SPAG4: variants seen among roughly 807,000 people sequenced by gnomAD.
The protein encoded by SPAG4 is sperm-associated antigen 4 protein.
A neutral mutation model predicts 53.9 loss-of-function variants in SPAG4; 54 were observed. The observed-to-expected ratio is 1.00, with a 90% CI of 0.80 to 1.26. The LOEUF is 1.26. Among genes scored for constraint, SPAG4 ranks in the 50% most tolerant of loss-of-function variants. The pLI, the probability that SPAG4 is intolerant of heterozygous loss-of-function variation, is 0.00. For missense variants in SPAG4, 548 were observed against 568.6 expected (o/e 0.96, Z 0.37); for synonymous variants, 246 against 237.4 (o/e 1.04, Z -0.33).
Position 35,618,707 on chromosome 20 carries a change from C to A in SPAG4, c.704C>A (p.Ala235Glu). ...CACAAGGAGGTGTCCACTGTTCGGG[C>A]AGCCAACAGCGAGGTGAGCCCCGGC... ...KLHKEVSTVR[A>E]ANSERVAKLV... Residue 235 changes from alanine (A) to glutamate (E), a missense_variant, in exon 7 of 12, where the codon GCA becomes GAA. Physicochemically the swap from Ala to Glu is moderately radical, Grantham distance 107 (BLOSUM62 -1). Coordinates refer to ENST00000374273, the MANE Select transcript of SPAG4 (RefSeq NM_003116.3). The A allele has an allele frequency of 6.3e-7, 1 of 1,583,538 alleles. No individual in the cohort carries two copies. The highest frequency in any genetic ancestry group is 8.6e-7 in the Non-Finnish European group (1 of 1,164,140).
rs895499581 is a variant in SPAG4 at position 35,618,112 on chromosome 20, G to T, written c.564G>T (p.Leu188=). 5.0e-6 allele frequency: 8 copies of T among 1,613,606 alleles called. No individual in the cohort carries two copies. The Admixed American group carries it at 1.3e-4, about 27-fold the overall frequency. The change falls in exon 5 of 12, where the codon CTG becomes CTT. Residue 188 remains leucine, a synonymous_variant. Coordinates refer to ENST00000374273, the MANE Select transcript of SPAG4 (RefSeq NM_003116.3). ...CATTCTGGCTGGGGCTTCTGTACCT[G>T]GTCTCTCCTTTGGAGAATGTGAGTT... ...LSAFWLGLLY[L]VSPLENEPKE...
rs916548228 is a variant in SPAG4, at chr20:35,615,914, C to G, written c.-90C>G. 1 of 1,368,246 alleles carries G rather than the reference C, an allele frequency of 7.3e-7. No homozygotes were observed. Among genetic ancestry groups the G allele is most frequent in the Non-Finnish European group, 9.9e-7 (1 of 1,011,588 alleles). The allele number at this position is 1,368,246 out of a possible 1,614,324, so 84.8% of individuals were successfully genotyped here. On this transcript the variant is annotated 5_prime_UTR_variant, in exon 1 of 12. Transcript: ENST00000374273. The stretch of plus-strand genomic sequence containing the variant: ...ACTTCACGCAGGGTCCGTGGGGTCC[C>G]CGCGGCGCGCAGCGGCTGAAGGAGG...
In SPAG4 at chr20:35,619,320, G is replaced by A. The variant is rs1487053416; in HGVS notation, c.909+10G>A. The A allele has an allele frequency of 1.2e-6, 2 of 1,608,908 alleles. No homozygotes were observed. Among genetic ancestry groups the A allele is most frequent in the South Asian group, 2.2e-5 (2 of 90,998 alleles). On this transcript the variant is annotated intron_variant, in intron 9 of 11. Coordinates refer to ENST00000374273, the MANE Select transcript of SPAG4 (RefSeq NM_003116.3). ...CACGGTTATCCTGGAGGTGAGTCTG[G>A]AAACATCCCGGGATGGGACCCCGGG...
intron 1 of SPAG4, 125 bp downstream of exon 1, chr20:35,616,432 G>A: frequency 2.2e-6 from 3 of 1,360,772 alleles, no homozygotes; most frequent in Non-Finnish European, 2.9e-6. Flanking sequence ...GTAGGGTAAA[G>A]GGATGGTGCT....
intron 10 of SPAG4, 143 bp downstream of exon 10, chr20:35,619,889 TTA>T: frequency 1.2e-6 from 1 of 847,548 alleles, no homozygotes; most frequent in Non-Finnish European, 1.8e-6. Flanking sequence ...CTGCTGTAGG[TTA>T]TAGTCATAAC....
rs1310727226 is a variant in SPAG4, at chr20:35,619,671, C to T, written c.1002C>T (p.Ile334=). ...CGGGCCGAGTGCAGCTGAGCGACAT[C>T]ACTCTGCAGCATCCACCGCCCAGCG... ...QLPGRVQLSD[I]TLQHPPPSVE... Residue 334 remains isoleucine, a synonymous_variant, in exon 10 of 12, where the codon ATC becomes ATT. Transcript: ENST00000374273. The T allele has an allele frequency of 1.8e-5, 29 of 1,614,014 alleles. No homozygotes were observed. Among genetic ancestry groups the T allele is most frequent in the Non-Finnish European group, 2.5e-5 (29 of 1,180,020 alleles).
Position 35,620,929 on chromosome 20 carries a change from G to T in SPAG4, c.1221G>T (p.Trp407Cys). 1 of 1,614,160 alleles carries T rather than the reference G, an allele frequency of 6.2e-7. No homozygotes were observed. ...PKVKIQILSN[W>C]GHPRFTCLYR... is the part of the protein sequence containing the mutation. ...TGAAGATCCAGATTCTAAGCAACTG[G>T]GGCCACCCCCGTTTCACGTGCTTGT... Residue 407 changes from tryptophan (W) to cysteine (C), a missense_variant, in exon 12 of 12, where the codon TGG (tryptophan) becomes TGT (cysteine). By Grantham distance (215) the Trp-to-Cys change is radical. Transcript: ENST00000374273.
rs781578497 is a variant in SPAG4 at position 35,617,787 on chromosome 20, G to T, written c.485G>T (p.Cys162Phe). The T allele has an allele frequency of 6.2e-7, 1 of 1,614,074 alleles. No individual in the cohort carries two copies. The stretch of plus-strand genomic sequence containing the variant: ...TCCCTCCGGTTCCCCAGGGAGGTCT[G>T]TTCCATCCGCTTCCTGTTCACGGCT... Reference protein sequence around the residue: ...DVLVSMYREVCSIRFLFTAVS... With the variant: ...DVLVSMYREVFSIRFLFTAVS... Residue 162 changes from cysteine to phenylalanine, a missense_variant, in exon 4 of 12, where the codon TGT (cysteine) becomes TTT (phenylalanine). Transcript: ENST00000374273.
At chr20:35,620,832 C>T (rs2031556423) in intron 11 of SPAG4, 44 bp from the exon 12 acceptor site, 2 of 1,612,710 alleles carry the variant, frequency 1.2e-6, no homozygotes, top group Non-Finnish European at 1.7e-6. Flanking sequence ...GATGAATGAT[C>T]CAGGAGGAGG....
At chr20:35,619,374 C>G (rs1346795713) in intron 9 of SPAG4, 64 bp downstream of exon 9, 4 of 1,506,408 alleles carry the variant, frequency 2.7e-6, no homozygotes, top group South Asian at 2.3e-5. Flanking sequence ...ACCAAAACCC[C>G]GCCCTACAGG....
In SPAG4 at chr20:35,619,328, C is replaced by G; in HGVS notation, c.909+18C>G. 2 of 1,600,056 alleles carry G rather than the reference C, an allele frequency of 1.2e-6. No individual in the cohort carries two copies. The highest frequency in any genetic ancestry group is 1.7e-6 in the Non-Finnish European group (2 of 1,167,220). ...TCCTGGAGGTGAGTCTGGAAACATC[C>G]CGGGATGGGACCCCGGGCGGGACGC... is the stretch of plus-strand genomic sequence containing the variant. On this transcript the variant is annotated intron_variant, in intron 9 of 11. Transcript: ENST00000374273.
In SPAG4 at chr20:35,617,764, C is replaced by T. The variant is rs758763712; in HGVS notation, c.477-15C>T. The T allele has an allele frequency of 3.1e-5, 50 of 1,613,496 alleles. No individual in the cohort carries two copies. Among genetic ancestry groups the T allele is most frequent in the African/African-American group, 8.0e-5 (6 of 74,806 alleles). On this transcript the variant is annotated splice_polypyrimidine_tract_variant and intron_variant, in intron 3 of 11. Transcript: ENST00000374273. ...TTGAGCAGGTCGGGGCCTCAGCCTCCCTCCGGTTCCCCAGGGAGGTCTGTT... is the reference window on the plus strand; with the variant it reads ...TTGAGCAGGTCGGGGCCTCAGCCTCTCTCCGGTTCCCCAGGGAGGTCTGTT...
intron 11 of SPAG4, 47 bp downstream of exon 11, chr20:35,620,820 G>C: frequency 6.2e-7 from 1 of 1,612,978 alleles, no homozygotes; most frequent in East Asian, 2.2e-5. Context: ...GGGGCAGTGA[G>C]GGATGAATGA....
chr20:35,618,819 C>T, intron 7 of SPAG4, 99 bp downstream of exon 7: 1 of 1,419,622 alleles, frequency 7.0e-7, no homozygotes, highest in East Asian at 2.3e-5. Context: ...TCTCCCGGTG[C>T]CCACGAAGTC....
intron 7 of SPAG4, 99 bp from the exon 8 acceptor site, chr20:35,618,824 G>T: frequency 6.9e-7 from 1 of 1,443,192 alleles, no homozygotes; most frequent in Non-Finnish European, 9.7e-7. Context: ...CGGTGCCCAC[G>T]AAGTCCATCC....
At position 35,617,255 on chromosome 20, in the gene SPAG4, A is replaced by C; in HGVS notation, c.409+15A>C. 1 of 1,545,038 alleles carries C rather than the reference A, an allele frequency of 6.5e-7. No individual in the cohort carries two copies. The highest frequency in any genetic ancestry group is 8.8e-7 in the Non-Finnish European group (1 of 1,131,298). On this transcript the variant is annotated intron_variant, in intron 2 of 11. Transcript: ENST00000374273. Reference sequence around the variant, plus strand: ...GAGCTTTCTGAGTACGGGCCAGGCCAGCTGCGATCCCCTCTGACCCTCGGG... The same window carrying C: ...GAGCTTTCTGAGTACGGGCCAGGCCCGCTGCGATCCCCTCTGACCCTCGGG...
At position 35,617,765 on chromosome 20, in the gene SPAG4, C is replaced by T. The variant is rs780538747; in HGVS notation, c.477-14C>T. 5 of 1,613,596 alleles carry T rather than the reference C, an allele frequency of 3.1e-6. No individual in the cohort carries two copies. Among genetic ancestry groups the T allele is most frequent in the Middle Eastern group, 3.3e-4 (2 of 6,080 alleles). ...TGAGCAGGTCGGGGCCTCAGCCTCC[C>T]TCCGGTTCCCCAGGGAGGTCTGTTC... On this transcript the variant is annotated splice_polypyrimidine_tract_variant and intron_variant, in intron 3 of 11. Transcript: ENST00000374273.
chr20:35,617,864 A>G (rs2031440927), intron 4 of SPAG4, 24 bp downstream of exon 4: 1 of 1,610,172 alleles, frequency 6.2e-7, no homozygotes, highest in Non-Finnish European at 8.5e-7. Flanking sequence ...AATTCCCTGG[A>G]GCCCCTGCCC....
intron 3 of SPAG4, 32 bp downstream of exon 3, chr20:35,617,618 CA>C: frequency 6.2e-7 from 1 of 1,608,258 alleles, no homozygotes; most frequent in Non-Finnish European, 8.5e-7. Flanking sequence ...GCCCCAGGAA[CA>C]GCTCTTTGGA....
Sources: gnomAD v4.1 joint callset for allele counts on GRCh38, gnomAD v4.1.1 for gene constraint, MANE v1.5 for transcripts, NCBI Gene and HGNC (gene_info 2026-07-23, HGNC 2026-07-21) for gene names.